POU2F2: variants seen among roughly 807,000 people sequenced by gnomAD.
The protein encoded by POU2F2 is POU domain, class 2, transcription factor 2.
In POU2F2, 14 loss-of-function variants were observed where a neutral mutation model predicts 63.5. That is an observed-to-expected ratio of 0.22 (90% CI 0.15 to 0.34). The LOEUF (loss-of-function observed/expected upper bound fraction) is 0.34. POU2F2 is among the 10% of genes least tolerant of loss of function. The pLI, the probability that POU2F2 is intolerant of heterozygous loss-of-function variation, is 1.00. For missense variants in POU2F2, 607 were observed against 815.2 expected, an observed-to-expected ratio of 0.74 and a Z score of 3.11; for synonymous variants, 306 against 348.6, an observed-to-expected ratio of 0.88 and a Z score of 1.36.
At chr19:42,190,188 G>A (rs2035060690) in intron 1 of POU2F2, among the ~76,000 whole-genome samples, 2 of 152,078 alleles carry the variant, frequency 1.3e-5, no homozygotes, top group African/African-American at 4.8e-5. Flanking sequence ...ATACACAGGT[G>A]GAGAGGAGGA....
chr19:42,144,528 C>A (rs1401949037), intron 2 of POU2F2, among the ~76,000 whole-genome samples: 5 of 152,246 alleles, frequency 3.3e-5, no homozygotes, highest in African/African-American at 1.2e-4. Context: ...CTGTGCCAGA[C>A]CTTGTGCCAG....
intron 1 of POU2F2, among the ~76,000 whole-genome samples, chr19:42,130,048 G>A (rs189186385): frequency 7.2e-5 from 11 of 152,194 alleles, no homozygotes; most frequent in Admixed American, 3.9e-4. Flanking sequence ...ACACCCAAAC[G>A]TGCGTACACA....
Position 42,122,545 on chromosome 19 carries a change from C to T in POU2F2, c.60G>A (p.Glu20=), listed in dbSNP as rs1365359576. 2.5e-6 allele frequency: 4 copies of T among 1,604,984 alleles called. No individual in the cohort carries two copies. Among genetic ancestry groups the T allele is most frequent in the African/African-American group, 1.3e-5 (1 of 74,478 alleles). ...EIRMSKPLEA[E]KQGLDSPSEH... is the part of the protein sequence containing the mutation. ...CTGATGGGGAGTCCAGACCTTGCTT[C>T]TCGGCCTCCAGGGGCTTAGACATTC... The change falls in exon 2 of 15, where the codon GAG becomes GAA. Residue 20 remains glutamate (E), a synonymous_variant. Transcript: ENST00000692977.
intron 2 of POU2F2, among the ~76,000 whole-genome samples, chr19:42,145,684 C>T (rs1478539143): frequency 6.6e-6 from 1 of 152,202 alleles, no homozygotes; most frequent in Non-Finnish European, 1.5e-5. Flanking sequence ...CCTGTAATCC[C>T]AGCACTCTGG....
In POU2F2 at chr19:42,156,696, G is replaced by A; in HGVS notation, c.-9+3636C>T. The A allele has an allele frequency of 6.6e-6, 1 of 152,350 alleles. No individual in the cohort carries two copies. Among genetic ancestry groups the A allele is most frequent in the Non-Finnish European group, 1.5e-5 (1 of 68,056 alleles). The allele number at this position is 152,350 out of a possible 1,614,324, so 9.4% of individuals were successfully genotyped here. A position where few individuals can be genotyped will look rare whatever the true frequency, so the allele number is the denominator to read the frequency against. ...GACAAGTCCCTGACACCACGCCCTG[G>A]CTTCTCCGGCTTGTCTGAAGAACCT... is the stretch of plus-strand genomic sequence containing the variant. On this transcript the variant is annotated intron_variant, in intron 2 of 6. Coordinates refer to the POU2F2 transcript ENST00000524801. The surrounding 1 kb of genome is among the most constrained non-coding windows in gnomAD (Gnocchi z 4.1).
intron 2 of POU2F2, among the ~76,000 whole-genome samples, chr19:42,140,641 T>C (rs959612965): frequency 2.6e-5 from 4 of 152,306 alleles, no homozygotes; most frequent in Admixed American, 2.0e-4. Flanking sequence ...CTCCACTCCA[T>C]TCCCAGTTTT....
At chr19:42,122,463 T>G in intron 2 of POU2F2, 48 bp downstream of exon 2, 1 of 1,608,028 alleles carries the variant, frequency 6.2e-7, no homozygotes, top group Non-Finnish European at 8.5e-7. Context: ...TCTGTCCCAC[T>G]TCCCCTGCCC....
chr19:42,173,954 C>T (rs1466304728), intron 1 of POU2F2, among the ~76,000 whole-genome samples: 2 of 152,192 alleles, frequency 1.3e-5, no homozygotes, highest in Admixed American at 1.3e-4. Flanking sequence ...TTACTCCTGG[C>T]CTGCCTGTCA....
In POU2F2 at chr19:42,155,273, G is replaced by A. The variant is rs897181810; in HGVS notation, c.-9+5059C>T. The stretch of plus-strand genomic sequence containing the variant: ...TCTCTCTGTTCCTTTCTGTCTCTGA[G>A]TCCCTCACTCTGCTTTCCTGCCTCT... On this transcript the variant is annotated intron_variant, in intron 2 of 6. Coordinates refer to the POU2F2 transcript ENST00000524801. This position sits in a 1 kb window ranked among gnomAD's most constrained non-coding sequence, Gnocchi z 4.2. Among the ~76,000 whole-genome samples the A allele has an allele frequency of 2.0e-5, 3 of 152,180 alleles. No individual in the cohort carries two copies. The highest frequency in any genetic ancestry group is 7.2e-5 in the African/African-American group (3 of 41,430).
chr19:42,113,261 G>C (rs1184420892), intron 5 of POU2F2, among the ~76,000 whole-genome samples: 1 of 152,108 alleles, frequency 6.6e-6, no homozygotes, highest in East Asian at 1.9e-4. Context: ...CCCTACCCCA[G>C]ACATTCTGAA....
At position 42,093,764 on chromosome 19, in the gene POU2F2, A is replaced by G. The variant is rs768990165; in HGVS notation, c.1264+65T>C. ...CATGGACACCCAGAGCCACTTGGGA[A>G]CCTCAGGCTCCAGCCTGTGCCACAT... is the stretch of plus-strand genomic sequence containing the variant. On this transcript the variant is annotated intron_variant, in intron 12 of 14. Coordinates refer to ENST00000692977, the MANE Select transcript of POU2F2 (RefSeq NM_001394376.1). 41 of 1,515,992 alleles carry G rather than the reference A, an allele frequency of 2.7e-5. 1 individual carries two copies. Among genetic ancestry groups the G allele is most frequent in the Admixed American group, 7.2e-5 (4 of 55,894 alleles). 93.9% of individuals were successfully genotyped at this position (1,515,992 alleles called of 1,614,324 possible). A position where few individuals can be genotyped will look rare whatever the true frequency, so the allele number is the denominator to read the frequency against.
chr19:42,122,248 G>A (rs529484476), intron 3 of POU2F2, 66 bp from the exon 4 acceptor site: 39 of 1,221,230 alleles, frequency 3.2e-5, no homozygotes, highest in Non-Finnish European at 3.2e-5. Context: ...GACCACCCCC[G>A]CTCCCTGCCC....
chr19:42,119,979 C>CA (rs2032400241), intron 4 of POU2F2, among the ~76,000 whole-genome samples: 1 of 151,300 alleles, frequency 6.6e-6, no homozygotes, highest in Non-Finnish European at 1.5e-5. Flanking sequence ...AGTGCAGTGG[C>CA]ACCATCAGGA....
chr19:42,114,948 T>C (rs1275679120), intron 5 of POU2F2, among the ~76,000 whole-genome samples: 1 of 152,146 alleles, frequency 6.6e-6, no homozygotes, highest in Non-Finnish European at 1.5e-5. Context: ...AAGACCAGCC[T>C]GGGCAACATG....
Position 42,099,705 on chromosome 19 carries a change from G to A in POU2F2, c.475+11C>T, listed in dbSNP as rs763316930. ...AGGCGTCAGGGAGGCCATCTGGGGT[G>A]GGGGCCTTACCTGGCTGGCTCTGCT... On this transcript the variant is annotated intron_variant, in intron 6 of 14. Transcript: ENST00000692977. The A allele has an allele frequency of 1.4e-5, 23 of 1,597,956 alleles. No individual in the cohort carries two copies. The highest frequency in any genetic ancestry group is 2.0e-5 in the Non-Finnish European group (23 of 1,171,522).
At chr19:42,130,175 C>T (rs2033581778) in intron 1 of POU2F2, among the ~76,000 whole-genome samples, 1 of 152,130 alleles carries the variant, frequency 6.6e-6, no homozygotes, top group South Asian at 2.1e-4. Flanking sequence ...CCCCTACATA[C>T]TACACCCAGT....
intron 11 of POU2F2, among the ~76,000 whole-genome samples, chr19:42,094,994 C>G (rs909935558): frequency 1.3e-5 from 2 of 152,188 alleles, no homozygotes; most frequent in African/African-American, 4.8e-5. Context: ...TGTGTTCTAA[C>G]CTGGACCACG....
At chr19:42,142,654 C>T (rs2034152790) in intron 2 of POU2F2, among the ~76,000 whole-genome samples, 2 of 151,972 alleles carry the variant, frequency 1.3e-5, no homozygotes, top group South Asian at 4.1e-4. Flanking sequence ...CAACTGCCAC[C>T]CCCCAGCAAG....
intron 4 of POU2F2, among the ~76,000 whole-genome samples, chr19:42,121,607 G>A (rs1376181631): frequency 1.3e-5 from 2 of 152,234 alleles, no homozygotes; most frequent in African/African-American, 2.4e-5. Context: ...GCTACCCCTG[G>A]ACCAGGCTGG....
Sources: allele counts gnomAD v4.1 joint callset (sites outside exome capture counted in the v4.1 genomes callset), GRCh38; gene constraint gnomAD v4.1.1; non-coding constraint Gnocchi (gnomAD v3.1); transcripts MANE v1.5; gene names NCBI Gene and HGNC (gene_info 2026-07-23, HGNC 2026-07-21).